AMZ1: variants seen among roughly 807,000 people sequenced by gnomAD.
The protein encoded by AMZ1 is archaelysin family metallopeptidase 1, also known as archaemetzincin-1.
A neutral mutation model predicts 29.9 loss-of-function variants in AMZ1; 39 were observed. The observed-to-expected ratio is 1.30, with a 90% confidence interval of 1.01 to 1.70. AMZ1 has a LOEUF of 1.70. Ranked by LOEUF, AMZ1 falls within the 40% of genes most tolerant of loss-of-function variation. AMZ1 has a pLI of 0.00. For missense variants in AMZ1, 1,041 were observed against 680.6 expected, an observed-to-expected ratio of 1.53 and a Z score of -5.89; for synonymous variants, 458 against 304.0, an observed-to-expected ratio of 1.51 and a Z score of -5.27.
In AMZ1 at chr7:2,715,042, C is replaced by G. The variant is rs372764374; in HGVS notation, c.*2164C>G. The G allele has an allele frequency of 6.6e-6, 1 of 152,042 alleles. No homozygotes were observed. Among genetic ancestry groups the G allele is most frequent in the African/African-American group, 2.4e-5 (1 of 41,360 alleles). 9.4% of individuals were successfully genotyped at this position (152,042 alleles called of 1,614,324 possible). On this transcript the variant is annotated 3_prime_UTR_variant, in exon 7 of 7. Coordinates refer to ENST00000683327, the MANE Select transcript of AMZ1 (RefSeq NM_001384743.1). ...ACTGTGCCAGAATAAAGAGGGGAGA[C>G]GAAAAAAAGAGGGTCACTTTCAGAA...
At chr7:2,759,000 C>A (rs1265079437) in intron 4 of AMZ1, among the ~76,000 whole-genome samples, 1 of 150,950 alleles carries the variant, frequency 6.6e-6, no homozygotes, top group African/African-American at 2.4e-5. Context: ...ACTAGCGGGG[C>A]GTGGTGGTGG....
intron 4 of AMZ1, among the ~76,000 whole-genome samples, chr7:2,744,521 G>A (rs972389484): frequency 3.9e-5 from 6 of 152,098 alleles, no homozygotes; most frequent in East Asian, 1.9e-4. Flanking sequence ...CCATCTGTAC[G>A]TCACCATCAT....
chr7:2,682,530 C>T (rs1562351029), intron 1 of AMZ1, among the ~76,000 whole-genome samples: 1 of 152,174 alleles, frequency 6.6e-6, no homozygotes, highest in Non-Finnish European at 1.5e-5. Context: ...TGACTGTACT[C>T]TGTGCTAGGA....
At chr7:2,711,474 C>T (rs1326436529) in intron 6 of AMZ1, among the ~76,000 whole-genome samples, 5 of 152,212 alleles carry the variant, frequency 3.3e-5, no homozygotes, top group South Asian at 4.1e-4. Context: ...GCAGTGGGAC[C>T]TTGTTAAACT....
chr7:2,708,853 A>G (rs13235873), intron 4 of AMZ1, 137 bp downstream of exon 4: 419,819 of 1,409,180 alleles, frequency 0.3, 65,414 homozygotes, highest in East Asian at 0.56. Flanking sequence ...ATGGGAATAG[A>G]TGGCCCCTTC....
intron 1 of AMZ1, among the ~76,000 whole-genome samples, chr7:2,699,707 G>C (rs1171095148): frequency 2.0e-5 from 3 of 152,190 alleles, no homozygotes; most frequent in Non-Finnish European, 4.4e-5. Flanking sequence ...AGGAACCCCA[G>C]GCGATGGGGG....
chr7:2,754,434 T>C (rs1328898360), intron 4 of AMZ1, among the ~76,000 whole-genome samples: 1 of 152,142 alleles, frequency 6.6e-6, no homozygotes, highest in Admixed American at 6.5e-5. Flanking sequence ...GTAGCTTGTC[T>C]TTTCATCCTC....
rs993241747 is a variant in AMZ1, at chr7:2,717,079, C to T, written c.*4201C>T. On this transcript the variant is annotated 3_prime_UTR_variant, in exon 7 of 7. Transcript: ENST00000683327. The stretch of plus-strand genomic sequence containing the variant: ...AGCAGCCCCCACACACCGGCACCCA[C>T]GCCCCTCGGTTCTGATAACCAGGAG... 2.5e-4 allele frequency among the ~76,000 whole-genome samples: 38 copies of T among 152,186 alleles called. 1 individual carries two copies. Among genetic ancestry groups the T allele is most frequent in the Non-Finnish European group, 4.4e-5 (3 of 68,036 alleles).
rs562339111 is a variant in AMZ1, at chr7:2,736,562, G to A, written n.550+26746G>A. On this transcript the variant is annotated intron_variant and non_coding_transcript_variant, in intron 4 of 4. Coordinates refer to the AMZ1 transcript ENST00000489665. ...TGTCTGTTTCAAGCAGCAGCAGCAG[G>A]TTGATATGGGGCCTGTGCACCTGTA... Among the ~76,000 whole-genome samples, 225 of 152,302 alleles carry A rather than the reference G, an allele frequency of 1.5e-3. 1 individual carries two copies. The highest frequency in any genetic ancestry group is 3.9e-3 in the African/African-American group (164 of 41,560).
chr7:2,703,866 TTAC>T (rs1788199115), intron 3 of AMZ1, among the ~76,000 whole-genome samples: 1 of 152,236 alleles, frequency 6.6e-6, no homozygotes, highest in African/African-American at 2.4e-5. Context: ...TGGCTAAGGC[TTAC>T]TCTCTCTGGA....
chr7:2,730,124 G>C (rs1392554387), intron 4 of AMZ1: 1 of 152,514 alleles, frequency 6.6e-6, no homozygotes. Context: ...CTTCCCGAAA[G>C]GTCAGCTGTT....
rs779769298 is a variant in AMZ1 at position 2,700,676 on chromosome 7, G to A, written c.225G>A (p.Glu75=). ...DWLLSRPEAP[E]DFQTFHASLQ... is the part of the protein sequence containing the mutation. ...TCCTGAGCCGACCCGAGGCTCCCGA[G>A]GACTTCCAGACCTTCCACGCCTCCC... The change falls in exon 2 of 7, where the codon GAG becomes GAA. Residue 75 remains glutamate (E), a synonymous_variant. Coordinates refer to ENST00000683327, the MANE Select transcript of AMZ1 (RefSeq NM_001384743.1). 6.2e-7 allele frequency: 1 copy of A among 1,612,816 alleles called. No homozygotes were observed. The highest frequency in any genetic ancestry group is 8.5e-7 in the Non-Finnish European group (1 of 1,180,032).
chr7:2,709,019 G>GC, intron 4 of AMZ1, 56 bp from the exon 5 acceptor site: 2 of 1,509,146 alleles, frequency 1.3e-6, no homozygotes, highest in Non-Finnish European at 1.8e-6. Flanking sequence ...TTGACGGTGG[G>GC]CCCCCCAGAG....
intron 4 of AMZ1, among the ~76,000 whole-genome samples, chr7:2,748,254 A>C (rs1037121694): frequency 1.3e-5 from 2 of 152,024 alleles, no homozygotes; most frequent in African/African-American, 2.4e-5. Context: ...ACCTGACTTC[A>C]AACTATACTA....
rs1788587021 is a variant in AMZ1 at position 2,709,250 on chromosome 7, TG to T, written c.771+11del. On this transcript the variant is annotated splice_region_variant and intron_variant, in intron 5 of 6. Transcript: ENST00000683327. ...GGATGGTTCAGTGCTGCAAGGTGGG[TG>T]GGGGCTCTGGGGCTGGTAAGAGGGG... is the stretch of plus-strand genomic sequence containing the variant. 1.3e-6 allele frequency: 2 copies of T among 1,489,212 alleles called. No individual in the cohort carries two copies. The highest frequency in any genetic ancestry group is 1.4e-5 in the African/African-American group (1 of 70,766). 92.2% of individuals were successfully genotyped at this position (1,489,212 alleles called of 1,614,324 possible). A position where few individuals can be genotyped will look rare whatever the true frequency, so the allele number is the denominator to read the frequency against.
chr7:2,757,275 G>A (rs922644741), intron 4 of AMZ1, among the ~76,000 whole-genome samples: 12 of 104 alleles, frequency 0.12, 1 homozygote, highest in East Asian at 0.5. Context: ...AGCTGGGACC[G>A]CAGCGCCCGC....
chr7:2,696,281 G>A (rs1243183354), intron 1 of AMZ1, among the ~76,000 whole-genome samples: 3 of 138,442 alleles, frequency 2.2e-5, no homozygotes, highest in Non-Finnish European at 3.1e-5. Flanking sequence ...TTTTGAGATG[G>A]AGTCTCGCTC....
upstream of AMZ1, chr7:2,763,310 G>A: frequency 5.7e-6 from 1 of 174,416 alleles, no homozygotes; most frequent in Non-Finnish European, 1.2e-5. Context: ...ACACAGCCCG[G>A]CTTGCTGACG....
intron 3 of AMZ1, among the ~76,000 whole-genome samples, chr7:2,707,537 GTCCACACTCATGC>G (rs1788433479): frequency 6.6e-6 from 1 of 151,968 alleles, no homozygotes; most frequent in Non-Finnish European, 1.5e-5. Context: ...TCCTGTATCT[GTCCACACTCATGC>G]TCCGGGGAAC....
Sources: allele counts gnomAD v4.1 joint callset (sites outside exome capture counted in the v4.1 genomes callset), GRCh38; gene constraint gnomAD v4.1.1; transcripts MANE v1.5; gene names NCBI Gene and HGNC (gene_info 2026-07-23, HGNC 2026-07-21).